TNR: variants seen among roughly 807,000 people sequenced by gnomAD.
The protein encoded by TNR is tenascin R, also known as tenascin-R.
In TNR, 45 loss-of-function variants were observed where a neutral mutation model predicts 150.4. The ratio of observed to expected loss-of-function variants is 0.30; its 90% CI spans 0.24 to 0.38. The LOEUF (loss-of-function observed/expected upper bound fraction) is 0.38, where lower values mean the gene tolerates loss of function less well. Among genes scored for constraint, TNR ranks in the 10% least tolerant of loss-of-function variants. TNR has a pLI of 1.00. For synonymous variants in TNR, 687 were observed against 678.4 expected (o/e 1.01, Z -0.20); for missense variants, 1,544 against 1,759.1 (o/e 0.88, Z 2.19).
chr1:175,507,624 CTGTTTCTATAACAGTCCTCAGCCTCACA>C (rs1659013804), intron 2 of TNR, among the ~76,000 whole-genome samples: 1 of 152,098 alleles, frequency 6.6e-6, no homozygotes, highest in Non-Finnish European at 1.5e-5. Flanking sequence ...TTGCTCTCTC[CTGTTTCTATAACAGTCCTCAGCCTCACA>C]TGTTTTCCCA....
At chr1:175,326,460 G>T (rs772428667) in intron 21 of TNR, among the ~76,000 whole-genome samples, 20 of 152,010 alleles carry the variant, frequency 1.3e-4, no homozygotes, top group Non-Finnish European at 2.9e-5. Flanking sequence ...TATTTTATAG[G>T]GAAGGCTGAC....
At chr1:175,372,418 C>T (rs1025307736) in intron 9 of TNR, among the ~76,000 whole-genome samples, 3 of 152,156 alleles carry the variant, frequency 2.0e-5, no homozygotes, top group East Asian at 3.8e-4. Flanking sequence ...ATAAGTCTTT[C>T]CAGAGAAGGC....
chr1:175,325,882 G>C (rs933841747), intron 21 of TNR, among the ~76,000 whole-genome samples: 7 of 150,190 alleles, frequency 4.7e-5, no homozygotes, highest in African/African-American at 1.2e-4. Flanking sequence ...GTGGGGGTAG[G>C]GGGGAGGGAT....
chr1:175,379,804 A>G, intron 8 of TNR, 67 bp from the exon 9 acceptor site: 1 of 1,542,252 alleles, frequency 6.5e-7, no homozygotes, highest in Non-Finnish European at 8.8e-7. Context: ...GTGCATCTTG[A>G]ACTCTGAAAA....
intron 21 of TNR, among the ~76,000 whole-genome samples, chr1:175,327,979 G>A (rs1649507888): frequency 6.6e-6 from 1 of 152,202 alleles, no homozygotes; most frequent in African/African-American, 2.4e-5. Flanking sequence ...ATGGTGGCAT[G>A]TGTCTGTAAT....
At chr1:175,658,279 G>A (rs1225037551) in intron 1 of TNR, among the ~76,000 whole-genome samples, 1 of 152,070 alleles carries the variant, frequency 6.6e-6, no homozygotes, top group African/African-American at 2.4e-5. Context: ...TTGACTTTAT[G>A]GGGAGAAGAA....
intron 1 of TNR, among the ~76,000 whole-genome samples, chr1:175,670,820 CG>C (rs138787978): frequency 0.078 from 11,899 of 152,192 alleles, 557 homozygotes; most frequent in African/African-American, 0.13. Context: ...AATTATCAAA[CG>C]CTTATACCCT....
chr1:175,527,095 G>A (rs1029024407), intron 2 of TNR, among the ~76,000 whole-genome samples: 5 of 152,238 alleles, frequency 3.3e-5, no homozygotes, highest in Admixed American at 3.3e-4. Flanking sequence ...CACTGCCAGT[G>A]TTGCTTTCGC....
intron 5 of TNR, among the ~76,000 whole-genome samples, chr1:175,395,791 T>C (rs1306225822): frequency 6.6e-6 from 1 of 152,226 alleles, no homozygotes. Context: ...CTCTGTGATG[T>C]AGTCAGTGTT....
At chr1:175,406,083 G>A (rs929594061) in intron 3 of TNR, 133 bp downstream of exon 3, 27 of 1,225,216 alleles carry the variant, frequency 2.2e-5, no homozygotes, top group Non-Finnish European at 2.7e-5. Flanking sequence ...CTTTGACCGT[G>A]TGAAGAGATG....
At chr1:175,330,321 A>G (rs1262036446) in intron 20 of TNR, 86 bp from the exon 21 acceptor site, 4 of 1,398,670 alleles carry the variant, frequency 2.9e-6, no homozygotes, top group Admixed American at 4.5e-5. Flanking sequence ...GCTTCAAAAC[A>G]TGTTACAGGG....
At chr1:175,687,730 G>C (rs1198169357) in intron 1 of TNR, among the ~76,000 whole-genome samples, 1 of 151,928 alleles carries the variant, frequency 6.6e-6, no homozygotes, top group African/African-American at 2.4e-5. Flanking sequence ...CCCACACCGA[G>C]AAAACATGAG....
intron 1 of TNR, among the ~76,000 whole-genome samples, chr1:175,659,707 C>CGTCATTCT: frequency 1.3e-5 from 2 of 152,192 alleles, no homozygotes; most frequent in Non-Finnish European, 1.5e-5. Flanking sequence ...TTTCTCACAG[C>CGTCATTCT]GTCATTCTGT....
chr1:175,341,117 G>T (rs1056371560), intron 18 of TNR, among the ~76,000 whole-genome samples: 1 of 152,140 alleles, frequency 6.6e-6, no homozygotes, highest in African/African-American at 2.4e-5. Flanking sequence ...CAATGTGAAC[G>T]TACTGGGGCT....
At chr1:175,679,653 G>A (rs557934872) in intron 1 of TNR, among the ~76,000 whole-genome samples, 4 of 152,338 alleles carry the variant, frequency 2.6e-5, no homozygotes, top group Non-Finnish European at 4.4e-5. Context: ...TCTTGGAAGA[G>A]GCCAGGCTTG....
At chr1:175,538,289 A>T (rs1660372071) in intron 1 of TNR, among the ~76,000 whole-genome samples, 1 of 152,174 alleles carries the variant, frequency 6.6e-6, no homozygotes, top group Non-Finnish European at 1.5e-5. Flanking sequence ...TTTCGGCTAC[A>T]ATGGTTTGAG....
chr1:175,419,801 GTTC>G (rs375366782), intron 2 of TNR, among the ~76,000 whole-genome samples: 246 of 152,176 alleles, frequency 1.6e-3, no homozygotes, highest in African/African-American at 5.6e-3. Context: ...TTTTACTGGA[GTTC>G]TTCTTCCTTC....
chr1:175,471,189 G>T (rs1214741563), intron 2 of TNR, among the ~76,000 whole-genome samples: 1 of 152,176 alleles, frequency 6.6e-6, no homozygotes, highest in African/African-American at 2.4e-5. Context: ...GCTGAGTAAT[G>T]AACTCATTTA....
chr1:175,329,457 C>T (rs10489322), intron 21 of TNR, among the ~76,000 whole-genome samples: 72,627 of 151,992 alleles, frequency 0.48, 19,650 homozygotes, highest in East Asian at 0.77. Flanking sequence ...AAAACCTGAC[C>T]GTCTATGTGG....
Sources: gnomAD v4.1 joint callset for allele counts (sites outside exome capture counted in the v4.1 genomes callset) on GRCh38, gnomAD v4.1.1 for gene constraint, MANE v1.5 for transcripts, NCBI Gene and HGNC (gene_info 2026-07-23, HGNC 2026-07-21) for gene names.